Variants in CA10 observed in about 807,000 individuals in gnomAD.
CA10 encodes the protein carbonic anhydrase-related protein 10.
In CA10, 14 loss-of-function variants were observed where a neutral mutation model predicts 44.2. The observed-to-expected ratio is 0.32, with a 90% CI of 0.21 to 0.50. The LOEUF (loss-of-function observed/expected upper bound fraction) is 0.50. CA10 is among the 20% of genes least tolerant of loss of function. The pLI is 0.99. For synonymous variants in CA10, 159 were observed against 141.6 expected, an observed-to-expected ratio of 1.12 and a Z score of -0.87; for missense variants, 350 against 409.7, an observed-to-expected ratio of 0.85 and a Z score of 1.26.
At chr17:52,115,749 G>A (rs774746724) in intron 1 of CA10, among the ~76,000 whole-genome samples, 2 of 152,308 alleles carry the variant, frequency 1.3e-5, no homozygotes, top group Non-Finnish European at 2.9e-5. Flanking sequence ...CATGCACCGG[G>A]AGTCTTCCCC....
intron 4 of CA10, among the ~76,000 whole-genome samples, chr17:51,724,609 C>T (rs1598010685): frequency 1.3e-5 from 2 of 152,228 alleles, no homozygotes; most frequent in South Asian, 4.2e-4. Flanking sequence ...TAAATTTTTC[C>T]TTTTTTTAAA....
At chr17:51,870,513 A>G (rs1979753766) in intron 3 of CA10, among the ~76,000 whole-genome samples, 1 of 152,268 alleles carries the variant, frequency 6.6e-6, no homozygotes, top group Non-Finnish European at 1.5e-5. Context: ...GTTGAGAATA[A>G]TAAAACAGTC....
rs929875081 is a variant in CA10 at position 51,760,912 on chromosome 17, G to A, written c.280-13094C>T. ...TAATCGATATAATAATTATGAATGAGGTGTTTTATATTCATTTTTCATAAA... is the reference window on the plus strand; with the variant it reads ...TAATCGATATAATAATTATGAATGAAGTGTTTTATATTCATTTTTCATAAA... On this transcript the variant is annotated intron_variant, in intron 3 of 8. Transcript: ENST00000451037. Among the ~76,000 whole-genome samples, 4 of 152,078 alleles carry A rather than the reference G, an allele frequency of 2.6e-5. No homozygotes were observed. In the South Asian group the frequency reaches 6.2e-4, roughly 24 times the overall value.
At chr17:52,096,147 G>A (rs955125741) in intron 1 of CA10, among the ~76,000 whole-genome samples, 2 of 152,132 alleles carry the variant, frequency 1.3e-5, no homozygotes, top group Non-Finnish European at 2.9e-5. Flanking sequence ...GGTTCACCTG[G>A]CTGCCAATAT....
chr17:52,101,381 A>C (rs1347226821), intron 1 of CA10, among the ~76,000 whole-genome samples: 1 of 152,246 alleles, frequency 6.6e-6, no homozygotes, highest in Non-Finnish European at 1.5e-5. Flanking sequence ...CAAATGTGAC[A>C]TCATGTCAGC....
chr17:52,019,739 G>A (rs1036945646), intron 2 of CA10, among the ~76,000 whole-genome samples: 3 of 151,900 alleles, frequency 2.0e-5, no homozygotes, highest in African/African-American at 7.3e-5. Flanking sequence ...GATCAAAGTA[G>A]GCATATGCAA....
intron 1 of CA10, among the ~76,000 whole-genome samples, chr17:52,118,137 G>A (rs1331765726): frequency 6.6e-6 from 1 of 152,154 alleles, no homozygotes; most frequent in Non-Finnish European, 1.5e-5. Flanking sequence ...AGAATTGTCT[G>A]TAAAGTTTCA....
intron 2 of CA10, among the ~76,000 whole-genome samples, chr17:51,994,178 G>A (rs886252396): frequency 1.3e-5 from 2 of 152,016 alleles, no homozygotes; most frequent in Non-Finnish European, 2.9e-5. Context: ...AAAGGGCACA[G>A]AGTGTATTCA....
intron 3 of CA10, among the ~76,000 whole-genome samples, chr17:51,844,290 T>C (rs1316726284): frequency 6.6e-6 from 1 of 152,184 alleles, no homozygotes; most frequent in Non-Finnish European, 1.5e-5. Context: ...TTTGTGATGT[T>C]GAGAAAGTCA....
rs910030957 is a variant in CA10, at chr17:52,043,536, A to G, written c.136+28783T>C. On this transcript the variant is annotated intron_variant, in intron 2 of 8. Transcript: ENST00000451037. The stretch of plus-strand genomic sequence containing the variant: ...AGACCATTTAGCTTCTTCCTTTCCA[A>G]TTTGAATCTTTTATTTCTTTTTCCT... Among the ~76,000 whole-genome samples, 7 of 151,962 alleles carry G rather than the reference A, an allele frequency of 4.6e-5. 1 individual carries two copies. Among genetic ancestry groups the G allele is most frequent in the African/African-American group, 2.4e-5 (1 of 41,496 alleles).
intron 4 of CA10, among the ~76,000 whole-genome samples, chr17:51,666,424 T>A (rs985759): frequency 0.64 from 97,583 of 152,024 alleles, 31,620 homozygotes; most frequent in Middle Eastern, 0.68. Flanking sequence ...GGGTTGTACG[T>A]GCAGGGGTAG....
chr17:51,765,490 C>T (rs111988719), intron 3 of CA10, among the ~76,000 whole-genome samples: 207 of 152,228 alleles, frequency 1.4e-3, no homozygotes, highest in Admixed American at 2.1e-3. Context: ...GAATTAGAGG[C>T]GTGGAGCTGT....
At chr17:51,720,801 G>A (rs957563887) in intron 4 of CA10, among the ~76,000 whole-genome samples, 1 of 152,270 alleles carries the variant, frequency 6.6e-6, no homozygotes, top group Admixed American at 6.5e-5. Flanking sequence ...CAGGTAGACT[G>A]AAGGAATAGG....
At chr17:51,747,844 A>G (rs1432693381) in intron 3 of CA10, 26 bp from the exon 4 acceptor site, 2 of 1,572,544 alleles carry the variant, frequency 1.3e-6, no homozygotes, top group Non-Finnish European at 1.7e-6. Flanking sequence ...CAACAGGTCA[A>G]GCAAGGCCCT....
chr17:52,115,898 C>T (rs1328414399), intron 1 of CA10, among the ~76,000 whole-genome samples: 1 of 152,232 alleles, frequency 6.6e-6, no homozygotes, highest in Non-Finnish European at 1.5e-5. Flanking sequence ...TCGAGACCAT[C>T]CTGGCCAACA....
chr17:52,025,492 G>A (rs1986272418), intron 2 of CA10, among the ~76,000 whole-genome samples: 2 of 152,004 alleles, frequency 1.3e-5, no homozygotes, highest in Admixed American at 1.3e-4. Flanking sequence ...GCTCTTGCTG[G>A]AAAATATTGA....
intron 3 of CA10, among the ~76,000 whole-genome samples, chr17:51,884,943 C>A (rs73989449): frequency 0.066 from 10,054 of 152,164 alleles, 655 homozygotes; most frequent in African/African-American, 0.17. Flanking sequence ...CTTCACATGC[C>A]CTTTCTCTAT....
intron 1 of CA10, among the ~76,000 whole-genome samples, chr17:52,077,436 C>A (rs1987846057): frequency 6.6e-6 from 1 of 152,138 alleles, no homozygotes; most frequent in African/African-American, 2.4e-5. Context: ...TCTGTGCCAA[C>A]TGCTCCACTT....
In CA10 at chr17:51,916,835, C is replaced by G. The variant is rs922493553; in HGVS notation, c.279+14155G>C. ...GTAGTGCCAACTGGGCCTGGGGGAC[C>G]TGAAATACAGGGCACAGGCAGTTCC... On this transcript the variant is annotated intron_variant, in intron 3 of 8. Coordinates refer to ENST00000451037, the MANE Select transcript of CA10 (RefSeq NM_020178.5). Among the ~76,000 whole-genome samples, 2 of 152,162 alleles carry G rather than the reference C, an allele frequency of 1.3e-5. 1 individual carries two copies. Among genetic ancestry groups the G allele is most frequent in the African/African-American group, 4.8e-5 (2 of 41,444 alleles).
Sources: gnomAD v4.1 joint callset for allele counts (sites outside exome capture counted in the v4.1 genomes callset) on GRCh38, gnomAD v4.1.1 for gene constraint, MANE v1.5 for transcripts, NCBI Gene and HGNC (gene_info 2026-07-23, HGNC 2026-07-21) for gene names.